TAF4B: variants seen among roughly 807,000 people sequenced by gnomAD.
The protein encoded by TAF4B is transcription initiation factor TFIID subunit 4B.
A neutral mutation model predicts 86.4 loss-of-function variants in TAF4B; 38 were observed. The observed-to-expected ratio is 0.44, with a 90% CI of 0.34 to 0.58. The LOEUF (loss-of-function observed/expected upper bound fraction) is 0.58. Among genes scored for constraint, TAF4B ranks in the 20% least tolerant of loss-of-function variants. TAF4B has a pLI of 0.02. For missense variants in TAF4B, 988 were observed against 1,027.6 expected (o/e 0.96, Z 0.53); for synonymous variants, 388 against 391.2 (o/e 0.99, Z 0.10).
chr18:26,296,763 C>G (rs909579507), intron 9 of TAF4B, among the ~76,000 whole-genome samples: 5 of 152,178 alleles, frequency 3.3e-5, no homozygotes, highest in African/African-American at 1.2e-4. Context: ...AACCATTGAT[C>G]TGCTTTCTAT....
chr18:26,293,338 A>G lies in TAF4B; in HGVS notation c.1727-88A>G, dbSNP rs964977771. 1.7e-5 allele frequency: 14 copies of G among 815,340 alleles called. No individual in the cohort carries two copies. The Admixed American group carries it at 2.4e-4, about 14-fold the overall frequency. 50.5% of individuals were successfully genotyped at this position (815,340 alleles called of 1,614,324 possible). ...TTGGAATTTTCTTTGATTATTCTAT[A>G]TATATAAAAAACGGTTGTCCTGGAT... On this transcript the variant is annotated intron_variant, in intron 8 of 14. Transcript: ENST00000269142.
intron 14 of TAF4B, among the ~76,000 whole-genome samples, chr18:26,377,247 T>C (rs2057448914): frequency 6.6e-6 from 1 of 152,166 alleles, no homozygotes; most frequent in Non-Finnish European, 1.5e-5. Context: ...TTGTGAAGTA[T>C]TGGTGTTAAT....
At position 26,315,146 on chromosome 18, in the gene TAF4B, GTCTCTCTC is replaced by G. The variant is rs1212422063; in HGVS notation, c.1833-74_1833-67del. 877 of 151,794 alleles carry G rather than the reference GTCTCTCTC, an allele frequency of 5.8e-3. 2 individuals carry two copies. Among genetic ancestry groups the G allele is most frequent in the Middle Eastern group, 0.013 (6 of 450 alleles). The allele number at this position is 151,794 out of a possible 1,614,324, so 9.4% of individuals were successfully genotyped here. A position where few individuals can be genotyped will look rare whatever the true frequency, so the allele number is the denominator to read the frequency against. ...TCTCTCTCTCTCTCTCTCTCTCTCT[GTCTCTCTC>G]TCTCTCTCACACACACACACACACA... On this transcript the variant is annotated intron_variant, in intron 9 of 14. Transcript: ENST00000269142.
rs1186994081 is a variant in TAF4B at position 26,322,162 on chromosome 18, A to G, written c.2133+962A>G. Among the ~76,000 whole-genome samples the G allele has an allele frequency of 2.0e-5, 3 of 152,172 alleles. No homozygotes were observed. The East Asian group carries it at 5.8e-4, about 29-fold the overall frequency. ...ATGTAGGTAACCTTAAGAGATTTTG[A>G]ATTTGGAAGAATGGTCATTGCCGTG... On this transcript the variant is annotated intron_variant, in intron 11 of 14. Transcript: ENST00000269142.
chr18:26,231,935 C>T (rs770236245), intron 1 of TAF4B, among the ~76,000 whole-genome samples: 19 of 152,080 alleles, frequency 1.2e-4, no homozygotes, highest in Non-Finnish European at 1.8e-4. Context: ...CTTTCCTATC[C>T]GAGTGCACTT....
Position 26,282,069 on chromosome 18 carries a change from A to G in TAF4B, c.972+9A>G. The G allele has an allele frequency of 6.3e-7, 1 of 1,590,060 alleles. No individual in the cohort carries two copies. Among genetic ancestry groups the G allele is most frequent in the Non-Finnish European group, 8.6e-7 (1 of 1,161,390 alleles). ...TGGTTCCTTTTCTTAAGGTAGAGTT[A>G]TGTGTCACTTAGAAGAAATAATTTG... On this transcript the variant is annotated intron_variant, in intron 6 of 14. Coordinates refer to ENST00000269142, the MANE Select transcript of TAF4B (RefSeq NM_005640.3).
At chr18:26,358,936 G>A (rs1353353817) in intron 14 of TAF4B, among the ~76,000 whole-genome samples, 2 of 152,300 alleles carry the variant, frequency 1.3e-5, no homozygotes, top group South Asian at 4.1e-4. Context: ...CACCTTAATA[G>A]ATGAAAGATT....
Position 26,344,480 on chromosome 18 carries a change from A to G in TAF4B, c.2316+9249A>G, listed in dbSNP as rs568473904. On this transcript the variant is annotated intron_variant, in intron 13 of 14. Coordinates refer to ENST00000269142, the MANE Select transcript of TAF4B (RefSeq NM_005640.3). The stretch of plus-strand genomic sequence containing the variant: ...ATCATGAAAATATCCTGCAGAAATG[A>G]AGGTGAAATAGATATTTTCTGGTGA... Among the ~76,000 whole-genome samples, 210 of 152,298 alleles carry G rather than the reference A, an allele frequency of 1.4e-3. 1 individual carries two copies. Among genetic ancestry groups the G allele is most frequent in the African/African-American group, 4.8e-3 (198 of 41,570 alleles).
intron 9 of TAF4B, among the ~76,000 whole-genome samples, chr18:26,311,020 T>C (rs1378677728): frequency 6.6e-6 from 1 of 152,128 alleles, no homozygotes; most frequent in Non-Finnish European, 1.5e-5. Context: ...TTCACTGTGA[T>C]TTTGATATTT....
At chr18:26,314,468 C>CATGT (rs1383479598) in intron 9 of TAF4B, among the ~76,000 whole-genome samples, 2 of 152,156 alleles carry the variant, frequency 1.3e-5, no homozygotes, top group East Asian at 1.9e-4. Context: ...TTTTTATGCA[C>CATGT]ATGTATGTAT....
intron 1 of TAF4B, among the ~76,000 whole-genome samples, chr18:26,249,477 C>CT (rs1555672464): frequency 7.2e-6 from 1 of 138,824 alleles, no homozygotes; most frequent in African/African-American, 2.6e-5. Context: ...CTCTCTCTCT[C>CT]AAAAAAAAAA....
chr18:26,323,756 TTTTG>T (rs2056982069), intron 11 of TAF4B, among the ~76,000 whole-genome samples: 1 of 152,190 alleles, frequency 6.6e-6, no homozygotes, highest in South Asian at 2.1e-4. Context: ...TATTACTTTC[TTTTG>T]TTTGTTACTT....
chr18:26,267,558 G>A lies in TAF4B; in HGVS notation c.532G>A (p.Val178Ile), dbSNP rs777474036. 23 of 1,614,056 alleles carry A rather than the reference G, an allele frequency of 1.4e-5. No individual in the cohort carries two copies. The highest frequency in any genetic ancestry group is 1.8e-5 in the Non-Finnish European group (21 of 1,180,022). The change falls in exon 3 of 15, where the codon GTT (valine) becomes ATT (isoleucine). Residue 178 changes from valine (V) to isoleucine (I), a missense_variant. By Grantham distance (29) the Val-to-Ile change is conservative. This residue lies in a region of TAF4B where 747 missense variants were observed against 737.9 expected (regional missense o/e 1.01). Transcript: ENST00000269142. ...AATCAAGAAAGTGGCAGTGACACCT[G>A]TTAAAAAATTGGCACAAATAGGAAC... is the stretch of plus-strand genomic sequence containing the variant. ...QLIKKVAVTP[V>I]KKLAQIGTTV... is the part of the protein sequence containing the mutation.
At chr18:26,232,693 T>C (rs1258009752) in intron 1 of TAF4B, among the ~76,000 whole-genome samples, 2 of 152,210 alleles carry the variant, frequency 1.3e-5, no homozygotes, top group African/African-American at 4.8e-5. Context: ...ACTCTTCCCC[T>C]AAGAAGGTAC....
At chr18:26,367,912 T>G (rs922534156) in intron 14 of TAF4B, among the ~76,000 whole-genome samples, 3 of 152,222 alleles carry the variant, frequency 2.0e-5, no homozygotes, top group Non-Finnish European at 2.9e-5. Context: ...CACTGCTGAT[T>G]GAGTGCCTAT....
At chr18:26,293,257 T>G (rs2056617971) in intron 8 of TAF4B, among the ~76,000 whole-genome samples, 169 bp from the exon 9 acceptor site, 1 of 152,198 alleles carries the variant, frequency 6.6e-6, no homozygotes, top group Non-Finnish European at 1.5e-5. Context: ...GATTATTTCT[T>G]ATTCAGGGAA....
chr18:26,388,064 C>G (rs1567935273), intron 14 of TAF4B, among the ~76,000 whole-genome samples: 1 of 152,174 alleles, frequency 6.6e-6, no homozygotes, highest in Non-Finnish European at 1.5e-5. Flanking sequence ...ACCAGATTTT[C>G]TTCCTATGTT....
intron 14 of TAF4B, among the ~76,000 whole-genome samples, chr18:26,372,827 G>A (rs2057415531): frequency 4.6e-5 from 3 of 64,710 alleles, no homozygotes; most frequent in South Asian, 8.2e-4. Flanking sequence ...AAAAATAGCC[G>A]GGCATAGTGG....
At chr18:26,315,537 G>A (rs2056902901) in intron 10 of TAF4B, 139 bp downstream of exon 10, 3 of 530,410 alleles carry the variant, frequency 5.7e-6, no homozygotes, top group South Asian at 5.4e-5. Flanking sequence ...GATTTCATGG[G>A]CATTACAGAA....
Sources: gnomAD v4.1 joint callset for allele counts (sites outside exome capture counted in the v4.1 genomes callset) on GRCh38, gnomAD v4.1.1 for gene constraint, gnomAD v4.1.1 regional missense constraint, MANE v1.5 for transcripts, NCBI Gene and HGNC (gene_info 2026-07-23, HGNC 2026-07-21) for gene names.